SLC17A6: variants seen among roughly 807,000 people sequenced by gnomAD.
The protein encoded by SLC17A6 is vesicular glutamate transporter 2.
In SLC17A6, 35 loss-of-function variants were observed where a neutral mutation model predicts 67.1. The ratio of observed to expected loss-of-function variants is 0.52; its 90% confidence interval spans 0.40 to 0.69. SLC17A6 has a LOEUF of 0.69. SLC17A6 is among the 30% of genes least tolerant of loss of function. The probability of loss-of-function intolerance (pLI) is 0.00; values close to 1 mark genes in which losing one functional copy is unlikely to be tolerated. For missense variants in SLC17A6, 588 were observed against 723.9 expected, an observed-to-expected ratio of 0.81 and a Z score of 2.15; for synonymous variants, 285 against 252.3, an observed-to-expected ratio of 1.13 and a Z score of -1.23.
In SLC17A6 at chr11:22,346,137, G is replaced by A. The variant is rs570627473; in HGVS notation, c.458+2772G>A. Reference sequence around the variant, plus strand: ...GATTTCCTTTGCATGTGATATTGGGGACAGATTCCTTTCCCTCTAGGTGTA... The same window carrying A: ...GATTTCCTTTGCATGTGATATTGGGAACAGATTCCTTTCCCTCTAGGTGTA... On this transcript the variant is annotated intron_variant, in intron 3 of 11. Coordinates refer to ENST00000263160, the MANE Select transcript of SLC17A6 (RefSeq NM_020346.3). 2.6e-5 allele frequency among the ~76,000 whole-genome samples: 4 copies of A among 152,136 alleles called. No homozygotes were observed. The East Asian group carries it at 7.7e-4, about 29-fold the overall frequency.
intron 7 of SLC17A6, 126 bp from the exon 8 acceptor site, chr11:22,369,913 C>A: frequency 1.2e-6 from 1 of 807,826 alleles, no homozygotes; most frequent in Non-Finnish European, 1.9e-6. Flanking sequence ...TAATGCTTCA[C>A]TACATCTTCC....
intron 9 of SLC17A6, among the ~76,000 whole-genome samples, chr11:22,375,597 C>T (rs1398800071): frequency 6.6e-6 from 1 of 151,826 alleles, no homozygotes; most frequent in African/African-American, 2.4e-5. Context: ...TCTCTTGCCT[C>T]AGCCTCCCAA....
chr11:22,367,096 T>C (rs537574434), intron 7 of SLC17A6, among the ~76,000 whole-genome samples: 1 of 152,050 alleles, frequency 6.6e-6, no homozygotes, highest in South Asian at 2.1e-4. Context: ...TCAATGATAG[T>C]TTCCTTATGC....
At position 22,357,309 on chromosome 11, in the gene SLC17A6, C is replaced by A. The variant is rs919573292; in HGVS notation, c.459-2104C>A. 7.9e-5 allele frequency among the ~76,000 whole-genome samples: 12 copies of A among 152,270 alleles called. No individual in the cohort carries two copies. In the East Asian group the frequency reaches 2.1e-3, roughly 27 times the overall value. ...TGTGAAGCGTTAATATGGTATCTAGCAAGTCGAATAAGCACTCATTAAATT... is the reference window on the plus strand; with the variant it reads ...TGTGAAGCGTTAATATGGTATCTAGAAAGTCGAATAAGCACTCATTAAATT... On this transcript the variant is annotated intron_variant, in intron 3 of 11. Coordinates refer to ENST00000263160, the MANE Select transcript of SLC17A6 (RefSeq NM_020346.3).
At chr11:22,359,380 A>T (rs762779951) in intron 3 of SLC17A6, 33 bp from the exon 4 acceptor site, 2 of 1,376,296 alleles carry the variant, frequency 1.5e-6, no homozygotes, top group East Asian at 4.8e-5. Context: ...ATGCTGAATC[A>T]TTTAAACAGT....
intron 5 of SLC17A6, among the ~76,000 whole-genome samples, chr11:22,361,544 T>A (rs1856053095): frequency 6.6e-6 from 1 of 152,136 alleles, no homozygotes; most frequent in African/African-American, 2.4e-5. Context: ...TAATGTGATC[T>A]TTAAGTATTC....
intron 3 of SLC17A6, among the ~76,000 whole-genome samples, chr11:22,348,145 A>T (rs1188119855): frequency 6.6e-6 from 1 of 152,128 alleles, no homozygotes; most frequent in Admixed American, 6.6e-5. Flanking sequence ...TGTGACTAGA[A>T]CTCACTTGTC....
chr11:22,353,399 A>G (rs906421033), intron 3 of SLC17A6, among the ~76,000 whole-genome samples: 1 of 152,216 alleles, frequency 6.6e-6, no homozygotes, highest in Non-Finnish European at 1.5e-5. Flanking sequence ...AACTAATACT[A>G]TATCATACTA....
chr11:22,343,477 G>A, intron 3 of SLC17A6, 112 bp downstream of exon 3: 2 of 842,112 alleles, frequency 2.4e-6, no homozygotes, highest in African/African-American at 1.7e-5. Flanking sequence ...ACTCCCGGGC[G>A]AAGTCTTCTA....
intron 6 of SLC17A6, among the ~76,000 whole-genome samples, chr11:22,363,505 A>G (rs149634190): frequency 6.8e-4 from 104 of 152,318 alleles, no homozygotes; most frequent in African/African-American, 2.3e-3. Flanking sequence ...CTGGATCCCA[A>G]CTGATATTGT....
chr11:22,364,733 G>A lies in SLC17A6; in HGVS notation c.749-814G>A, dbSNP rs1312943449. ...AACAGTGTGAGGGAAAAATGAAATG[G>A]CCAACTGCTGGGAAATTAGAATAAA... On this transcript the variant is annotated intron_variant, in intron 6 of 11. Coordinates refer to ENST00000263160, the MANE Select transcript of SLC17A6 (RefSeq NM_020346.3). Among the ~76,000 whole-genome samples, 3 of 152,180 alleles carry A rather than the reference G, an allele frequency of 2.0e-5. No homozygotes were observed. The East Asian group carries it at 5.8e-4, about 29-fold the overall frequency.
chr11:22,338,578 G>A lies in SLC17A6; in HGVS notation c.45G>A (p.Gly15=), dbSNP rs1161748639. 3.1e-6 allele frequency: 5 copies of A among 1,613,778 alleles called. No homozygotes were observed. The highest frequency in any genetic ancestry group is 4.5e-5 in the East Asian group (2 of 44,868). The part of the protein sequence containing the change: ...KQRILAPGKE[G]LKNFAGKSLG... ...GGATTTTGGCCCCAGGAAAAGAGGG[G>A]CTAAAGAATTTTGCTGGAAAATCAC... Residue 15 remains glycine (G), a synonymous_variant, in exon 1 of 12, where the codon GGG becomes GGA. Transcript: ENST00000263160.
At chr11:22,372,387 T>C (rs1444118360) in intron 8 of SLC17A6, among the ~76,000 whole-genome samples, 1 of 150,150 alleles carries the variant, frequency 6.7e-6, no homozygotes, top group Non-Finnish European at 1.5e-5. Flanking sequence ...TATACACACA[T>C]ACACATATAT....
intron 5 of SLC17A6, chr11:22,362,348 G>C (rs1460071488): frequency 3.0e-6 from 1 of 336,828 alleles, no homozygotes; most frequent in Non-Finnish European, 5.9e-6. Flanking sequence ...ACATGAAACT[G>C]CACGAATTTG....
chr11:22,348,295 C>A (rs1855900908), intron 3 of SLC17A6, among the ~76,000 whole-genome samples: 1 of 152,116 alleles, frequency 6.6e-6, no homozygotes, highest in South Asian at 2.1e-4. Context: ...TCTATCATGC[C>A]CCAAATCCAG....
At chr11:22,352,302 G>A (rs1855949047) in intron 3 of SLC17A6, among the ~76,000 whole-genome samples, 1 of 152,140 alleles carries the variant, frequency 6.6e-6, no homozygotes, top group Non-Finnish European at 1.5e-5. Flanking sequence ...TTATCTACAG[G>A]AGTACTCTAA....
At chr11:22,339,714 C>A (rs1855791361) in intron 1 of SLC17A6, among the ~76,000 whole-genome samples, 1 of 152,076 alleles carries the variant, frequency 6.6e-6, no homozygotes, top group Non-Finnish European at 1.5e-5. Context: ...CAAACCACTC[C>A]CAGATTTTCC....
At chr11:22,347,479 T>C (rs1470191021) in intron 3 of SLC17A6, among the ~76,000 whole-genome samples, 4 of 143,164 alleles carry the variant, frequency 2.8e-5, no homozygotes, top group African/African-American at 1.1e-4. Flanking sequence ...CGTTATTATT[T>C]AGTATTAATG....
Position 22,338,458 on chromosome 11 carries a change from A to G in SLC17A6, c.-76A>G. The G allele has an allele frequency of 2.8e-6, 3 of 1,071,766 alleles. No individual in the cohort carries two copies. The highest frequency in any genetic ancestry group is 2.4e-5 in the East Asian group (1 of 42,270). The allele number at this position is 1,071,766 out of a possible 1,614,324, so 66.4% of individuals were successfully genotyped here. Reference sequence around the variant, plus strand: ...CCCGCAACTACTTTAAGAGATTAAGACAATATGCGCAATCCTCGCCTTTCC... The same window carrying G: ...CCCGCAACTACTTTAAGAGATTAAGGCAATATGCGCAATCCTCGCCTTTCC... On this transcript the variant is annotated 5_prime_UTR_variant, in exon 1 of 12. Transcript: ENST00000263160.
Sources: allele counts gnomAD v4.1 joint callset (sites outside exome capture counted in the v4.1 genomes callset), GRCh38; gene constraint gnomAD v4.1.1; transcripts MANE v1.5; gene names NCBI Gene and HGNC (gene_info 2026-07-23, HGNC 2026-07-21).